The following KIAA1217 variants were observed in gnomAD, a reference collection of about 807,000 sequenced individuals.
KIAA1217 encodes the protein sickle tail protein homolog.
In KIAA1217, 88 loss-of-function variants were observed where a neutral mutation model predicts 163.9. The observed-to-expected ratio is 0.54, with a 90% CI of 0.45 to 0.64. The LOEUF (loss-of-function observed/expected upper bound fraction) is 0.64, where lower values mean the gene tolerates loss of function less well. Ranked by LOEUF, KIAA1217 falls within the 30% of genes least tolerant of loss-of-function variation. The probability of loss-of-function intolerance (pLI) is 0.00; values close to 1 mark genes in which losing one functional copy is unlikely to be tolerated. For missense variants in KIAA1217, 2,372 were observed against 2,475.0 expected (o/e 0.96, Z 0.88); for synonymous variants, 903 against 923.1 (o/e 0.98, Z 0.39).
intron 2 of KIAA1217, among the ~76,000 whole-genome samples, chr10:24,116,880 C>T (rs1435099718): frequency 2.0e-5 from 3 of 152,112 alleles, no homozygotes; most frequent in Non-Finnish European, 4.4e-5. Context: ...ATGTTTAACA[C>T]ACATTTGTAA....
intron 2 of KIAA1217, among the ~76,000 whole-genome samples, chr10:24,194,223 A>T (rs144398237): frequency 5.3e-4 from 81 of 151,722 alleles, no homozygotes; most frequent in South Asian, 4.4e-3. Context: ...CAAGGAGCCT[A>T]TAAATACATT....
rs560125585 is a variant in KIAA1217 at position 24,364,283 on chromosome 10, GCT to G, written c.355-16583_355-16582del. On this transcript the variant is annotated intron_variant, in intron 2 of 20. Coordinates refer to ENST00000376454, the MANE Select transcript of KIAA1217 (RefSeq NM_019590.5). ...CGTGAGCCACCGCACCCAGCCACCCGCTCTTATTTTTTAAGAACAATTTTCTA... is the reference window on the plus strand; with the variant it reads ...CGTGAGCCACCGCACCCAGCCACCCGCTTATTTTTTAAGAACAATTTTCTA... Among the ~76,000 whole-genome samples the G allele has an allele frequency of 8.8e-4, 134 of 152,158 alleles. 1 individual carries two copies. Among genetic ancestry groups the G allele is most frequent in the African/African-American group, 3.1e-3 (127 of 41,534 alleles).
At chr10:23,881,145 G>A (rs1345914461) in intron 1 of KIAA1217, among the ~76,000 whole-genome samples, 1 of 151,572 alleles carries the variant, frequency 6.6e-6, no homozygotes, top group African/African-American at 2.4e-5. Context: ...TCACTATGGT[G>A]TGAAGAAAGT....
chr10:24,023,303 T>A (rs1032223119), intron 2 of KIAA1217, among the ~76,000 whole-genome samples: 1 of 151,692 alleles, frequency 6.6e-6, no homozygotes, highest in African/African-American at 2.4e-5. Context: ...TAAAATTTTA[T>A]AACCATTCTG....
chr10:24,310,847 A>G (rs542207432), intron 2 of KIAA1217, among the ~76,000 whole-genome samples: 7 of 152,230 alleles, frequency 4.6e-5, no homozygotes, highest in African/African-American at 1.7e-4. Context: ...AAATGCAACA[A>G]TTAGCCAAGT....
At chr10:24,291,550 C>T (rs2079090669) in intron 2 of KIAA1217, among the ~76,000 whole-genome samples, 1 of 152,100 alleles carries the variant, frequency 6.6e-6, no homozygotes, top group Admixed American at 6.6e-5. Flanking sequence ...AAACTTCACT[C>T]AATCATTTCA....
rs151184299 is a variant in KIAA1217, at chr10:23,784,277, T to C, written c.-321+89043T>C. Among the ~76,000 whole-genome samples, 733 of 152,286 alleles carry C rather than the reference T, an allele frequency of 4.8e-3. 4 individuals carry two copies. The highest frequency in any genetic ancestry group is 7.8e-3 in the Non-Finnish European group (530 of 68,002). ...ACCAGTATTCTCTTTGCATGGAATA[T>C]TTTTTGTTAGGAATTTTTTTTAATA... On this transcript the variant is annotated intron_variant, in intron 1 of 18. Transcript: ENST00000376462.
Position 24,494,535 on chromosome 10 carries a change from G to A in KIAA1217, c.1715G>A (p.Ser572Asn). ...CAAGCCATGGAGAAACAGATTGCCA[G>A]TTTAACTGGCCTTGTTCAGTCTGCG... ...RMQAMEKQIA[S>N]LTGLVQSALF... The change falls in exon 7 of 21, where the codon AGT becomes AAT. Residue 572 changes from serine (S) to asparagine (N), a missense_variant. Physicochemically the swap from Ser to Asn is conservative, Grantham distance 46. Coordinates refer to ENST00000376454, the MANE Select transcript of KIAA1217 (RefSeq NM_019590.5). The A allele has an allele frequency of 4.3e-6, 7 of 1,614,044 alleles. No individual in the cohort carries two copies. Among genetic ancestry groups the A allele is most frequent in the Non-Finnish European group, 5.9e-6 (7 of 1,179,970 alleles).
At chr10:24,318,164 T>C (rs1368107767) in intron 2 of KIAA1217, among the ~76,000 whole-genome samples, 2 of 152,076 alleles carry the variant, frequency 1.3e-5, no homozygotes, top group Admixed American at 1.3e-4. Flanking sequence ...GATAATTAGA[T>C]AGAGATAGAT....
At chr10:24,298,579 C>A (rs966953131) in intron 2 of KIAA1217, among the ~76,000 whole-genome samples, 12 of 152,094 alleles carry the variant, frequency 7.9e-5, no homozygotes, top group African/African-American at 2.9e-4. Context: ...GGGCGGATCA[C>A]CTGAGGTCAG....
intron 1 of KIAA1217, among the ~76,000 whole-genome samples, chr10:23,851,740 G>A (rs993048118): frequency 6.6e-6 from 1 of 152,104 alleles, no homozygotes. Flanking sequence ...TTGTGGTTTT[G>A]ATTTGCATTT....
intron 2 of KIAA1217, among the ~76,000 whole-genome samples, chr10:24,368,499 T>C (rs2051108047): frequency 6.6e-6 from 1 of 152,086 alleles, no homozygotes; most frequent in Non-Finnish European, 1.5e-5. Flanking sequence ...ATATCTGAAA[T>C]TTTTCTTGAA....
At chr10:24,136,936 A>G (rs752718579) in intron 2 of KIAA1217, among the ~76,000 whole-genome samples, 7 of 152,200 alleles carry the variant, frequency 4.6e-5, no homozygotes, top group Non-Finnish European at 5.9e-5. Flanking sequence ...TGTTGCTAAC[A>G]TTGAGAAGAT....
chr10:24,125,925 C>T (rs970522378), intron 2 of KIAA1217, among the ~76,000 whole-genome samples: 2 of 152,046 alleles, frequency 1.3e-5, no homozygotes, highest in Admixed American at 6.6e-5. Flanking sequence ...TACTTGTTAC[C>T]GCTTGGTAGC....
intron 9 of KIAA1217, among the ~76,000 whole-genome samples, chr10:24,507,860 G>A (rs1047675442): frequency 3.9e-5 from 6 of 152,172 alleles, no homozygotes; most frequent in Non-Finnish European, 5.9e-5. Flanking sequence ...AAGCAGCTGG[G>A]GGTGGAGAGA....
intron 1 of KIAA1217, among the ~76,000 whole-genome samples, chr10:23,805,834 T>C (rs1408302084): frequency 2.0e-5 from 3 of 151,206 alleles, no homozygotes; most frequent in Non-Finnish European, 4.4e-5. Context: ...GCAAACATAG[T>C]GAAACCCCAT....
chr10:24,354,790 G>T (rs2048878150), intron 2 of KIAA1217, among the ~76,000 whole-genome samples: 1 of 152,308 alleles, frequency 6.6e-6, no homozygotes, highest in South Asian at 2.1e-4. Flanking sequence ...GGAGCCTGGG[G>T]CTTGGGGTTT....
intron 1 of KIAA1217, among the ~76,000 whole-genome samples, chr10:23,816,679 T>C (rs1235016616): frequency 6.6e-6 from 1 of 152,202 alleles, no homozygotes; most frequent in Non-Finnish European, 1.5e-5. Context: ...TGAAGAGTGA[T>C]GGTGTGAGAA....
chr10:24,187,401 G>A (rs1321352165), intron 2 of KIAA1217, among the ~76,000 whole-genome samples: 8 of 152,242 alleles, frequency 5.3e-5, no homozygotes, highest in Non-Finnish European at 1.2e-4. Flanking sequence ...TCCAAAAAAT[G>A]TCACTGCTCT....
Sources: gnomAD v4.1 joint callset for allele counts (sites outside exome capture counted in the v4.1 genomes callset) on GRCh38, gnomAD v4.1.1 for gene constraint, MANE v1.5 for transcripts, NCBI Gene and HGNC (gene_info 2026-07-23, HGNC 2026-07-21) for gene names.